The following PDE1A variants were observed in gnomAD, a reference collection of about 807,000 sequenced individuals.
PDE1A encodes the protein phosphodiesterase 1A.
Under a neutral mutation model 61.7 loss-of-function variants are expected in PDE1A, and 35 were observed. The ratio of observed to expected loss-of-function variants is 0.57; its 90% CI spans 0.43 to 0.75. The LOEUF is 0.75. Ranked by LOEUF, PDE1A falls within the 30% of genes least tolerant of loss-of-function variation. PDE1A has a pLI of 0.00. For missense variants in PDE1A, 597 were observed against 630.6 expected (o/e 0.95, Z 0.57); for synonymous variants, 232 against 213.2 (o/e 1.09, Z -0.77).
At chr2:182,443,210 A>G (rs1341881442) in intron 2 of PDE1A, among the ~76,000 whole-genome samples, 2 of 147,298 alleles carry the variant, frequency 1.4e-5, no homozygotes, top group Non-Finnish European at 3.0e-5. Context: ...AGAATCAACT[A>G]AAAAAAAAAC....
At chr2:182,161,579 G>A (rs1359451021) in intron 13 of PDE1A, among the ~76,000 whole-genome samples, 2 of 152,004 alleles carry the variant, frequency 1.3e-5, no homozygotes, top group East Asian at 1.9e-4. Context: ...AGCAGTTGCC[G>A]GGCAAGACAA....
chr2:182,643,682 G>C, the PDE1A span, among the ~76,000 whole-genome samples: 1 of 152,088 alleles, frequency 6.6e-6, no homozygotes, highest in African/African-American at 2.4e-5. Flanking sequence ...TTATCTTCAG[G>C]AAGAGAAAGA....
At chr2:182,308,640 T>C (rs1695756316) in intron 1 of PDE1A, among the ~76,000 whole-genome samples, 1 of 152,110 alleles carries the variant, frequency 6.6e-6, no homozygotes, top group Non-Finnish European at 1.5e-5. Flanking sequence ...CATAGTTTTT[T>C]AAACTTTAAA....
intron 1 of PDE1A, among the ~76,000 whole-genome samples, chr2:182,347,465 T>C (rs565395683): frequency 6.6e-6 from 1 of 152,266 alleles, no homozygotes; most frequent in East Asian, 1.9e-4. Flanking sequence ...TGGGTATCCA[T>C]TTCATTTATT....
At chr2:182,205,975 C>T (rs1158580384) in exon 8 of PDE1A, 6 of 1,610,302 alleles carry the variant, frequency 3.7e-6, no homozygotes, top group Admixed American at 1.7e-5. Flanking sequence ...TCAAGATATT[C>T]ATTTCTTCTT....
the PDE1A span, among the ~76,000 whole-genome samples, chr2:182,636,056 C>G: frequency 6.7e-6 from 1 of 148,638 alleles, no homozygotes; most frequent in Admixed American, 6.8e-5. Flanking sequence ...CCCGGGTTCA[C>G]GCCATTCTCC....
chr2:182,233,231 C>T (rs1338966687), intron 4 of PDE1A, among the ~76,000 whole-genome samples: 1 of 152,106 alleles, frequency 6.6e-6, no homozygotes. Context: ...TCCTTTAATG[C>T]AATGGTCCTC....
At chr2:182,144,098 T>G (rs1405089456), downstream of PDE1A, among the ~76,000 whole-genome samples, 2 of 152,158 alleles carry the variant, frequency 1.3e-5, no homozygotes, top group African/African-American at 4.8e-5. Flanking sequence ...TTTAAATCAG[T>G]GTGAAAGTCC....
chr2:182,207,910 A>T (rs1258774062), intron 7 of PDE1A, among the ~76,000 whole-genome samples: 2 of 152,240 alleles, frequency 1.3e-5, no homozygotes, highest in African/African-American at 2.4e-5. Flanking sequence ...ATTGCTTCAG[A>T]GGGTGAAAGC....
chr2:182,669,275 T>C, the PDE1A span, among the ~76,000 whole-genome samples: 2 of 152,158 alleles, frequency 1.3e-5, no homozygotes, highest in Non-Finnish European at 2.9e-5. Context: ...CCCATTTTGT[T>C]TGTTAGGTGT....
At chr2:182,223,041 G>A (rs1339130171) in intron 7 of PDE1A, among the ~76,000 whole-genome samples, 6 of 151,928 alleles carry the variant, frequency 3.9e-5, no homozygotes, top group Admixed American at 3.9e-4. Flanking sequence ...TCTGTATTTG[G>A]AGACAGGGCT....
chr2:182,281,291 C>G (rs1693786633), intron 1 of PDE1A, among the ~76,000 whole-genome samples: 1 of 151,860 alleles, frequency 6.6e-6, no homozygotes, highest in Admixed American at 6.6e-5. Context: ...CTGCAATTTG[C>G]TTTTAAAATG....
chr2:182,258,194 A>G (rs1691970142), intron 2 of PDE1A, among the ~76,000 whole-genome samples: 1 of 152,114 alleles, frequency 6.6e-6, no homozygotes, highest in Admixed American at 6.5e-5. Context: ...GAAAAAAAGA[A>G]AAAAGAAAAA....
intron 1 of PDE1A, among the ~76,000 whole-genome samples, chr2:182,406,920 T>G (rs1702330317): frequency 6.6e-6 from 1 of 152,174 alleles, no homozygotes; most frequent in South Asian, 2.1e-4. Context: ...TCTCAGTTTG[T>G]TTTTAATTGT....
At chr2:182,379,000 A>T (rs553108572) in intron 1 of PDE1A, among the ~76,000 whole-genome samples, 1 of 152,222 alleles carries the variant, frequency 6.6e-6, no homozygotes, top group East Asian at 1.9e-4. Flanking sequence ...ACATGAAACA[A>T]GTTGAATTTT....
the PDE1A span, among the ~76,000 whole-genome samples, chr2:182,547,736 A>G: frequency 6.6e-6 from 1 of 152,212 alleles, no homozygotes; most frequent in Non-Finnish European, 1.5e-5. Context: ...TTCTGACCAA[A>G]AATCTCTCAG....
At chr2:182,688,089 G>A in the PDE1A span, among the ~76,000 whole-genome samples, 1 of 152,202 alleles carries the variant, frequency 6.6e-6, no homozygotes, top group Non-Finnish European at 1.5e-5. Flanking sequence ...ATGGAACCAA[G>A]TTGGAAAACA....
At position 182,346,077 on chromosome 2, in the gene PDE1A, T is replaced by C. The variant is rs553482684; in HGVS notation, c.53+80501A>G. ...ATCATCAGGCTTTTAGATCTGTATG[T>C]CTTACCAAAAACAGACAAGCTATGT... is the stretch of plus-strand genomic sequence containing the variant. On this transcript the variant is annotated intron_variant, in intron 1 of 13. Coordinates refer to ENST00000351439, the Ensembl canonical transcript of PDE1A. Among the ~76,000 whole-genome samples, 50 of 152,308 alleles carry C rather than the reference T, an allele frequency of 3.3e-4. 1 individual carries two copies. Among genetic ancestry groups the C allele is most frequent in the African/African-American group, 1.2e-3 (49 of 41,578 alleles).
At chr2:182,394,381 CA>C (rs1487992949) in intron 1 of PDE1A, among the ~76,000 whole-genome samples, 2 of 152,160 alleles carry the variant, frequency 1.3e-5, no homozygotes, top group Non-Finnish European at 2.9e-5. Context: ...ATCACCAAAA[CA>C]GCATGGGAAA....
Sources: allele counts gnomAD v4.1 joint callset (sites outside exome capture counted in the v4.1 genomes callset), GRCh38; gene constraint gnomAD v4.1.1; transcripts MANE v1.5; gene names NCBI Gene and HGNC (gene_info 2026-07-23, HGNC 2026-07-21).